The following ZNF592 variants were observed in gnomAD, a reference collection of about 807,000 sequenced individuals.
The protein encoded by ZNF592 is spinocerebellar ataxia, autosomal recessive 5.
ZNF592 carries 11 observed loss-of-function variants against 80.3 expected under a neutral mutation model. The observed-to-expected ratio is 0.14, with a 90% CI of 0.09 to 0.23. The LOEUF is 0.23. Ranked by LOEUF, ZNF592 falls within the 10% of genes least tolerant of loss-of-function variation. The probability of loss-of-function intolerance (pLI) is 1.00; values close to 1 mark genes in which losing one functional copy is unlikely to be tolerated. For missense variants in ZNF592, 1,420 were observed against 1,633.9 expected (o/e 0.87, Z 2.26); for synonymous variants, 646 against 640.3 (o/e 1.01, Z -0.13).
At chr15:84,789,851 C>T (rs2141992692) in intron 4 of ZNF592, among the ~76,000 whole-genome samples, 1 of 152,292 alleles carries the variant, frequency 6.6e-6, no homozygotes, top group South Asian at 2.1e-4. Flanking sequence ...GTCCCCTTTA[C>T]TAAGAAGTTA....
intron 10 of ZNF592, 118 bp from the exon 11 acceptor site, chr15:84,801,745 G>T (rs1963100696): frequency 6.8e-6 from 10 of 1,461,896 alleles, no homozygotes; most frequent in Non-Finnish European, 8.6e-6. Context: ...CAGCGTTCAG[G>T]GCTGGGGTGA....
intron 5 of ZNF592, among the ~76,000 whole-genome samples, 191 bp downstream of exon 5, chr15:84,791,074 T>G (rs923407920): frequency 3.3e-5 from 5 of 152,188 alleles, no homozygotes; most frequent in African/African-American, 1.2e-4. Flanking sequence ...GAGAGAAGAA[T>G]AAGGAGTTTT....
rs369927793 is a variant in ZNF592 at position 84,790,806 on chromosome 15, G to C, written c.2322G>C (p.Gly774=). 1.2e-5 allele frequency: 20 copies of C among 1,614,230 alleles called. No homozygotes were observed. The African/African-American group carries it at 2.0e-4, about 16-fold the overall frequency. ...HKSPYCCPEC[G]VLCRSAYFQT... ...CCCCCTACTGCTGCCCGGAGTGTGG[G>C]GTCCTCTGCCGCTCTGCCTACTTCC... Residue 774 remains glycine (G), a synonymous_variant, in exon 5 of 11, where the codon GGG becomes GGC. Coordinates refer to ENST00000560079, the MANE Select transcript of ZNF592 (RefSeq NM_014630.3).
chr15:84,762,432 G>A (rs533844470), intron 1 of ZNF592, among the ~76,000 whole-genome samples: 1 of 152,292 alleles, frequency 6.6e-6, no homozygotes, highest in East Asian at 1.9e-4. Context: ...TCTGAGAAAA[G>A]AGCAATCAGA....
intron 4 of ZNF592, among the ~76,000 whole-genome samples, chr15:84,789,188 C>T (rs1280922392): frequency 6.6e-5 from 10 of 151,112 alleles, no homozygotes; most frequent in Admixed American, 2.0e-4. Flanking sequence ...GTGGAGGCTG[C>T]GGTGAGCCAA....
chr15:84,771,102 A>G (rs1899688018), intron 2 of ZNF592, among the ~76,000 whole-genome samples: 1 of 152,148 alleles, frequency 6.6e-6, no homozygotes, highest in African/African-American at 2.4e-5. Flanking sequence ...CTCACCTGCC[A>G]TGGGGAGCCA....
At chr15:84,777,621 A>T (rs986415965) in intron 2 of ZNF592, among the ~76,000 whole-genome samples, 1 of 152,068 alleles carries the variant, frequency 6.6e-6, no homozygotes, top group Non-Finnish European at 1.5e-5. Flanking sequence ...TAAATAATAC[A>T]ATTTGAAACA....
chr15:84,799,833 C>T lies in ZNF592; in HGVS notation c.3138-9C>T, dbSNP rs1479617721. ...GCACTTACCTGACCTCTCCGCTGTG[C>T]TTCTGCAGGTACTGCACAGAGGACA... On this transcript the variant is annotated splice_polypyrimidine_tract_variant and intron_variant, in intron 9 of 10. Coordinates refer to ENST00000560079, the MANE Select transcript of ZNF592 (RefSeq NM_014630.3). This position sits in a 1 kb window ranked among gnomAD's most constrained non-coding sequence, Gnocchi z 4.2. 1.2e-6 allele frequency: 2 copies of T among 1,613,986 alleles called. No homozygotes were observed. Among genetic ancestry groups the T allele is most frequent in the South Asian group, 1.1e-5 (1 of 91,082 alleles).
intron 1 of ZNF592, among the ~76,000 whole-genome samples, chr15:84,762,710 C>A (rs1211084771): frequency 1.3e-5 from 2 of 152,140 alleles, no homozygotes; most frequent in Admixed American, 6.5e-5. Context: ...ATGGGAAGGG[C>A]AAGCAAGGGC....
rs61736261 is a variant in ZNF592 at position 84,783,567 on chromosome 15, A to G, written c.892A>G (p.Ser298Gly). ...GGCCTTGCAGGCCAAAAGAGTGGCT[A>G]GTGTCACTAAGGAGGATCAGCCTGG... ...LVALQAKRVA[S>G]VTKEDQPGHT... The change falls in exon 4 of 11, where the codon AGT becomes GGT. Residue 298 changes from serine (S) to glycine (G), a missense_variant. Transcript: ENST00000560079. This position sits in a 1 kb window ranked among gnomAD's most constrained non-coding sequence, Gnocchi z 5.0. 3,364 of 1,614,202 alleles carry G rather than the reference A, an allele frequency of 2.1e-3. 68 individuals are homozygous for G. In the African/African-American group the frequency reaches 0.039, roughly 19 times the overall value.
intron 4 of ZNF592, among the ~76,000 whole-genome samples, chr15:84,788,841 A>G (rs1402416138): frequency 6.6e-6 from 1 of 152,168 alleles, no homozygotes; most frequent in Non-Finnish European, 1.5e-5. Context: ...ATCACACAGC[A>G]TTTATCTTTT....
intron 1 of ZNF592, among the ~76,000 whole-genome samples, chr15:84,751,580 T>A (rs1009345748): frequency 2.0e-5 from 3 of 152,026 alleles, no homozygotes; most frequent in East Asian, 1.9e-4. Context: ...TTTATTATTT[T>A]AAAAATTTTT....
intron 5 of ZNF592, among the ~76,000 whole-genome samples, chr15:84,794,436 T>G (rs1241310285): frequency 6.6e-6 from 1 of 152,114 alleles, no homozygotes; most frequent in Non-Finnish European, 1.5e-5. Flanking sequence ...GTATCTTGTT[T>G]CCCTGATGGT....
In ZNF592 at chr15:84,802,906, G is replaced by C. The variant is rs923088384; in HGVS notation, c.*513G>C. Reference sequence around the variant, plus strand: ...CTAGTCTGGTTTGGCGAGGGCCCTTGATCACCTTGCCCCTCCTCCCTGTCT... The same window carrying C: ...CTAGTCTGGTTTGGCGAGGGCCCTTCATCACCTTGCCCCTCCTCCCTGTCT... On this transcript the variant is annotated 3_prime_UTR_variant, in exon 11 of 11. Coordinates refer to ENST00000560079, the MANE Select transcript of ZNF592 (RefSeq NM_014630.3). 2.3e-4 allele frequency: 37 copies of C among 161,574 alleles called. No individual in the cohort carries two copies. Among genetic ancestry groups the C allele is most frequent in the African/African-American group, 8.9e-4 (37 of 41,600 alleles). 10.0% of individuals were successfully genotyped at this position (161,574 alleles called of 1,614,324 possible). A position where few individuals can be genotyped will look rare whatever the true frequency, so the allele number is the denominator to read the frequency against.
intron 3 of ZNF592, among the ~76,000 whole-genome samples, chr15:84,782,172 A>T (rs1485897666): frequency 6.6e-6 from 1 of 152,250 alleles, no homozygotes; most frequent in African/African-American, 2.4e-5. Flanking sequence ...GATTGAATTT[A>T]TGCAGAAAGA....
At chr15:84,750,808 C>T (rs141373280) in intron 1 of ZNF592, among the ~76,000 whole-genome samples, 1 of 151,932 alleles carries the variant, frequency 6.6e-6, no homozygotes, top group Non-Finnish European at 1.5e-5. Context: ...TGAAAGAGGC[C>T]TGTGGGGCTG....
intron 2 of ZNF592, among the ~76,000 whole-genome samples, chr15:84,775,589 T>C (rs530975378): frequency 6.6e-6 from 1 of 152,242 alleles, no homozygotes; most frequent in Admixed American, 6.5e-5. Flanking sequence ...CACACCACCA[T>C]GCCTGGTTAA....
At chr15:84,781,390 ATT>A (rs75113679) in intron 3 of ZNF592, among the ~76,000 whole-genome samples, 36 of 129,006 alleles carry the variant, frequency 2.8e-4, no homozygotes, top group Admixed American at 3.1e-4. Context: ...TCTATCAAGT[ATT>A]TTTTTTTTTT....
At position 84,784,941 on chromosome 15, in the gene ZNF592, C is replaced by G. The variant is rs780612196; in HGVS notation, c.2220+46C>G. ...ACGGGTATCGGGCCCCTGGCTCACA[C>G]AGGTTCCATGACTGGGCATGGAGAG... is the stretch of plus-strand genomic sequence containing the variant. On this transcript the variant is annotated intron_variant, in intron 4 of 10. Transcript: ENST00000560079. The surrounding 1 kb of genome is among the most constrained non-coding windows in gnomAD (Gnocchi z 5.8). 6.2e-7 allele frequency: 1 copy of G among 1,608,738 alleles called. No individual in the cohort carries two copies. The highest frequency in any genetic ancestry group is 8.5e-7 in the Non-Finnish European group (1 of 1,175,648).
Sources: allele counts gnomAD v4.1 joint callset (sites outside exome capture counted in the v4.1 genomes callset), GRCh38; gene constraint gnomAD v4.1.1; non-coding constraint Gnocchi (gnomAD v3.1); transcripts MANE v1.5; gene names NCBI Gene and HGNC (gene_info 2026-07-23, HGNC 2026-07-21).